The following MMP16 variants were observed in gnomAD, a reference collection of about 807,000 sequenced individuals.
MMP16 encodes matrix metallopeptidase 16.
In MMP16, 12 loss-of-function variants were observed where a neutral mutation model predicts 67.8. The observed-to-expected ratio is 0.18, with a 90% CI of 0.11 to 0.29. The LOEUF is 0.29. MMP16 is among the 10% of genes least tolerant of loss of function. The pLI is 1.00. For missense variants in MMP16, 475 were observed against 765.7 expected, an observed-to-expected ratio of 0.62 and a Z score of 4.48; for synonymous variants, 249 against 255.9, an observed-to-expected ratio of 0.97 and a Z score of 0.26.
chr8:88,102,262 C>G (rs2118381568), intron 6 of MMP16, among the ~76,000 whole-genome samples: 1 of 151,992 alleles, frequency 6.6e-6, no homozygotes, highest in East Asian at 2.0e-4. Flanking sequence ...CACAGAACTT[C>G]TGACCAACTG....
intron 4 of MMP16, among the ~76,000 whole-genome samples, chr8:88,130,116 T>C (rs1808002312): frequency 6.6e-6 from 1 of 151,930 alleles, no homozygotes; most frequent in East Asian, 1.9e-4. Context: ...ATGTAATACA[T>C]GTAAAGTTTG....
chr8:88,258,454 C>G (rs1019708722), intron 1 of MMP16, among the ~76,000 whole-genome samples: 2 of 152,126 alleles, frequency 1.3e-5, no homozygotes, highest in African/African-American at 2.4e-5. Context: ...TCTCCCTGAC[C>G]TAAGAAATCA....
intron 1 of MMP16, among the ~76,000 whole-genome samples, chr8:88,260,306 TTTTTG>T (rs1461487241): frequency 1.5e-4 from 23 of 152,294 alleles, no homozygotes; most frequent in African/African-American, 5.3e-4. Flanking sequence ...TTTGTTTTTA[TTTTTG>T]TTTTGTTTTT....
At chr8:88,092,389 G>C (rs955999458) in intron 6 of MMP16, among the ~76,000 whole-genome samples, 2 of 151,740 alleles carry the variant, frequency 1.3e-5, no homozygotes, top group Non-Finnish European at 2.9e-5. Context: ...AAGATCCTTC[G>C]GAAACTACAG....
chr8:88,310,167 T>C (rs1811273686), intron 1 of MMP16, among the ~76,000 whole-genome samples: 2 of 152,148 alleles, frequency 1.3e-5, no homozygotes, highest in Admixed American at 1.3e-4. Flanking sequence ...TAAGGTATTC[T>C]GATACACACC....
intron 4 of MMP16, among the ~76,000 whole-genome samples, chr8:88,133,669 C>CA (rs959175022): frequency 1.3e-4 from 19 of 150,838 alleles, no homozygotes; most frequent in Middle Eastern, 3.4e-3. Flanking sequence ...CATTTTTTGA[C>CA]AAAAAAAATT....
chr8:88,276,364 G>T lies in MMP16; in HGVS notation c.132+50711C>A, dbSNP rs28904576. On this transcript the variant is annotated intron_variant, in intron 1 of 9. Coordinates refer to ENST00000286614, the MANE Select transcript of MMP16 (RefSeq NM_005941.5). ...ATATTCTGTGGTCTTTTGCATCTTT[G>T]GTCTCAAGTATTACTCATTTCCCTT... Among the ~76,000 whole-genome samples, 883 of 152,102 alleles carry T rather than the reference G, an allele frequency of 5.8e-3. 8 individuals carry two copies. Among genetic ancestry groups the T allele is most frequent in the African/African-American group, 0.02 (827 of 41,534 alleles).
At chr8:88,169,339 A>G (rs1808764240) in intron 3 of MMP16, among the ~76,000 whole-genome samples, 1 of 152,164 alleles carries the variant, frequency 6.6e-6, no homozygotes, top group African/African-American at 2.4e-5. Flanking sequence ...TTAATTGAGC[A>G]TTTACTATGA....
At chr8:88,186,120 T>A (rs1809067710) in intron 3 of MMP16, among the ~76,000 whole-genome samples, 1 of 152,208 alleles carries the variant, frequency 6.6e-6, no homozygotes, top group African/African-American at 2.4e-5. Context: ...TTCAACAACA[T>A]TCTGTTTAAA....
chr8:88,261,235 G>A (rs1034727388), intron 1 of MMP16, among the ~76,000 whole-genome samples: 1 of 152,090 alleles, frequency 6.6e-6, no homozygotes, highest in African/African-American at 2.4e-5. Flanking sequence ...AGGTAGTTAC[G>A]CACAGTGGGT....
intron 1 of MMP16, among the ~76,000 whole-genome samples, chr8:88,223,581 C>G (rs1222078119): frequency 6.6e-6 from 1 of 150,998 alleles, no homozygotes; most frequent in Non-Finnish European, 1.5e-5. Flanking sequence ...TCTGAGCAAA[C>G]TATGGCAAGG....
chr8:88,075,192 C>G (rs569311117), intron 6 of MMP16, among the ~76,000 whole-genome samples: 1 of 152,052 alleles, frequency 6.6e-6, no homozygotes. Context: ...CCCTGTTATG[C>G]CTATTGTCTC....
intron 4 of MMP16, among the ~76,000 whole-genome samples, chr8:88,159,092 G>C (rs1808566717): frequency 2.0e-5 from 3 of 152,074 alleles, no homozygotes; most frequent in Non-Finnish European, 2.9e-5. Flanking sequence ...TTTGAAGTCA[G>C]GCAGCATGAT....
At chr8:88,135,594 A>G (rs1808105103) in intron 4 of MMP16, among the ~76,000 whole-genome samples, 1 of 151,806 alleles carries the variant, frequency 6.6e-6, no homozygotes, top group African/African-American at 2.4e-5. Context: ...CTAAGGTAAA[A>G]ATGTCATGGA....
intron 4 of MMP16, among the ~76,000 whole-genome samples, chr8:88,154,685 T>C (rs967817699): frequency 2.8e-5 from 4 of 143,864 alleles, no homozygotes; most frequent in African/African-American, 1.0e-4. Flanking sequence ...CATGGACACA[T>C]GAAGGGGAAT....
chr8:88,072,047 C>T (rs1808565458), intron 7 of MMP16, among the ~76,000 whole-genome samples: 1 of 151,950 alleles, frequency 6.6e-6, no homozygotes, highest in African/African-American at 2.4e-5. Flanking sequence ...TATGGTTTGT[C>T]AGATGGTACG....
At chr8:88,202,915 G>C (rs1809366177) in intron 1 of MMP16, among the ~76,000 whole-genome samples, 1 of 152,008 alleles carries the variant, frequency 6.6e-6, no homozygotes, top group African/African-American at 2.4e-5. Flanking sequence ...AATGCACCAG[G>C]TAAACGTTCT....
intron 1 of MMP16, among the ~76,000 whole-genome samples, chr8:88,244,417 T>C (rs1008628751): frequency 2.0e-5 from 3 of 152,210 alleles, no homozygotes; most frequent in Non-Finnish European, 4.4e-5. Flanking sequence ...TGAAAACTAT[T>C]TGAAGAGGAG....
intron 1 of MMP16, among the ~76,000 whole-genome samples, chr8:88,206,354 C>T (rs1278128351): frequency 6.6e-6 from 1 of 152,072 alleles, no homozygotes; most frequent in African/African-American, 2.4e-5. Flanking sequence ...AAAATAAATT[C>T]CCAGCTGGGG....
Sources: allele counts gnomAD v4.1 joint callset (sites outside exome capture counted in the v4.1 genomes callset), GRCh38; gene constraint gnomAD v4.1.1; transcripts MANE v1.5; gene names NCBI Gene and HGNC (gene_info 2026-07-23, HGNC 2026-07-21).